HBEGF: variants seen among roughly 807,000 people sequenced by gnomAD.
HBEGF encodes the protein heparin binding EGF like growth factor, also known as proheparin-binding EGF-like growth factor.
HBEGF carries 8 observed loss-of-function variants against 19.5 expected under a neutral mutation model. The observed-to-expected ratio is 0.41, with a 90% CI of 0.24 to 0.74. HBEGF has a LOEUF of 0.74. Among genes scored for constraint, HBEGF ranks in the 30% least tolerant of loss-of-function variants. HBEGF has a pLI of 0.32. For missense variants in HBEGF, 207 were observed against 256.9 expected (o/e 0.81, Z 1.33); for synonymous variants, 97 against 108.9 (o/e 0.89, Z 0.68).
rs976455632 is a variant in HBEGF at position 140,334,094 on chromosome 5, A to C, written c.*205T>G. ...CCTTGCTTTTGCTTTCTTCTTACCC[A>C]GATACCATCGGACATACTCTGTTTG... is the stretch of plus-strand genomic sequence containing the variant. On this transcript the variant is annotated 3_prime_UTR_variant, in exon 6 of 6. Transcript: ENST00000230990. 1 of 152,982 alleles carries C rather than the reference A, an allele frequency of 6.5e-6. No homozygotes were observed. Among genetic ancestry groups the C allele is most frequent in the Non-Finnish European group, 1.5e-5 (1 of 68,326 alleles). 9.5% of individuals were successfully genotyped at this position (152,982 alleles called of 1,614,324 possible).
At chr5:140,343,479 A>T (rs539202248) in intron 2 of HBEGF, among the ~76,000 whole-genome samples, 3 of 152,162 alleles carry the variant, frequency 2.0e-5, no homozygotes, top group Admixed American at 2.0e-4. Flanking sequence ...TTTACAGCTC[A>T]CCCACTTTCT....
chr5:140,345,386 C>T (rs1398616549), intron 2 of HBEGF, among the ~76,000 whole-genome samples: 2 of 152,194 alleles, frequency 1.3e-5, no homozygotes, highest in Non-Finnish European at 2.9e-5. Context: ...CAGTGCTCAC[C>T]ATTCACAGCC....
Position 140,340,689 on chromosome 5 carries a change from G to A in HBEGF, c.398+1946C>T, listed in dbSNP as rs185133856. On this transcript the variant is annotated intron_variant, in intron 3 of 5. Transcript: ENST00000230990. ...AGTTTTCAAATCAGATTGCTGTGCT[G>A]TTAGACTAGTAAAAGAATAAGAGAC... 1.9e-3 allele frequency among the ~76,000 whole-genome samples: 291 copies of A among 152,026 alleles called. 2 individuals carry two copies. The highest frequency in any genetic ancestry group is 6.4e-3 in the African/African-American group (264 of 41,486).
chr5:140,343,121 A>C, intron 2 of HBEGF: 1 of 315,718 alleles, frequency 3.2e-6, no homozygotes. Flanking sequence ...TACCAACCTC[A>C]CCTCCACCCC....
At chr5:140,341,790 G>A (rs1200261070) in intron 3 of HBEGF, among the ~76,000 whole-genome samples, 7 of 152,214 alleles carry the variant, frequency 4.6e-5, no homozygotes, top group Non-Finnish European at 1.0e-4. Context: ...CTGACGCAGG[G>A]TGTTGGCCTC....
intron 2 of HBEGF, among the ~76,000 whole-genome samples, chr5:140,343,983 C>T (rs1766355003): frequency 6.6e-6 from 1 of 152,050 alleles, no homozygotes; most frequent in Non-Finnish European, 1.5e-5. Context: ...ACAAAAAATA[C>T]AAAAATTAGC....
intron 2 of HBEGF, among the ~76,000 whole-genome samples, chr5:140,343,722 C>T (rs566526879): frequency 6.6e-6 from 1 of 152,290 alleles, no homozygotes; most frequent in Non-Finnish European, 1.5e-5. Flanking sequence ...CCAATCCCAC[C>T]CTTTTATCCC....
Position 140,334,843 on chromosome 5 carries a change from C to A in HBEGF, c.555-95G>T, listed in dbSNP as rs1462090179. The stretch of plus-strand genomic sequence containing the variant: ...CCAAAGAACTCTGCCATGGTGGTTT[C>A]CTCTACTACTTGGAAAAGCCCAGGC... On this transcript the variant is annotated intron_variant, in intron 4 of 5. Coordinates refer to ENST00000230990, the MANE Select transcript of HBEGF (RefSeq NM_001945.3). 5 of 1,012,682 alleles carry A rather than the reference C, an allele frequency of 4.9e-6. No individual in the cohort carries two copies. The African/African-American group carries it at 7.9e-5, about 16-fold the overall frequency. The allele number at this position is 1,012,682 out of a possible 1,614,324, so 62.7% of individuals were successfully genotyped here. A position where few individuals can be genotyped will look rare whatever the true frequency, so the allele number is the denominator to read the frequency against.
At position 140,346,078 on chromosome 5, in the gene HBEGF, G is replaced by A. The variant is rs142631482; in HGVS notation, c.53C>T (p.Ser18Leu). The change falls in exon 2 of 6, where the codon TCG (serine) becomes TTG (leucine). Residue 18 changes from serine to leucine, a missense_variant. Ser to Leu is a moderately radical substitution (Grantham distance 145). Coordinates refer to ENST00000230990, the MANE Select transcript of HBEGF (RefSeq NM_001945.3). This position sits in a 1 kb window ranked among gnomAD's most constrained non-coding sequence, Gnocchi z 6.1. ...CAGGCTCTCGCCAGTCACCAGTGCC[G>A]AGAGAACTGCGGGCGAGAGGCCAGG... ...VLKLFLAAVL[S>L]ALVTGESLER... 23 of 1,611,818 alleles carry A rather than the reference G, an allele frequency of 1.4e-5. No individual in the cohort carries two copies. The highest frequency in any genetic ancestry group is 1.8e-5 in the Non-Finnish European group (21 of 1,178,928).
intron 4 of HBEGF, chr5:140,335,099 T>C (rs906402913): frequency 3.7e-6 from 1 of 268,374 alleles, no homozygotes; most frequent in East Asian, 9.3e-5. Flanking sequence ...AAAACAGGCA[T>C]AGAGCTAGGC....
chr5:140,340,410 T>C (rs1434035005), intron 3 of HBEGF, among the ~76,000 whole-genome samples: 2 of 151,304 alleles, frequency 1.3e-5, no homozygotes, highest in Non-Finnish European at 2.9e-5. Flanking sequence ...CAAAACTACG[T>C]CTCTACTAAA....
chr5:140,344,610 A>T (rs1766366073), intron 2 of HBEGF, among the ~76,000 whole-genome samples: 1 of 151,980 alleles, frequency 6.6e-6, no homozygotes, highest in African/African-American at 2.4e-5. Flanking sequence ...AAGGGAAGAG[A>T]AGTAGGTGCC....
chr5:140,343,585 G>A (rs1204090975), intron 2 of HBEGF, among the ~76,000 whole-genome samples: 1 of 152,156 alleles, frequency 6.6e-6, no homozygotes, highest in African/African-American at 2.4e-5. Flanking sequence ...TGGAAAGTAA[G>A]GAACTGTCCA....
In HBEGF at chr5:140,334,696, C is replaced by A; in HGVS notation, c.607G>T (p.Gly203Cys). 3 of 1,613,662 alleles carry A rather than the reference C, an allele frequency of 1.9e-6. No individual in the cohort carries two copies. The highest frequency in any genetic ancestry group is 2.5e-6 in the Non-Finnish European group (3 of 1,179,590). ...CTCTCTCAGTGGGAATTAGTCATGC[C>A]CAACTTCACTTTCTCTTCATTTTCC... The part of the protein sequence containing the change: ...DVENEEKVKL[G>C]MTNSH Residue 203 changes from glycine (G) to cysteine (C), a missense_variant, in exon 5 of 6, where the codon GGC becomes TGC. By Grantham distance (159) the Gly-to-Cys change is radical. This residue lies in a region of HBEGF where 77 missense variants were observed against 106.9 expected (regional missense o/e 0.72). Coordinates refer to ENST00000230990, the MANE Select transcript of HBEGF (RefSeq NM_001945.3).
Position 140,333,885 on chromosome 5 carries a change from G to A in HBEGF, c.*414C>T, listed in dbSNP as rs2126715345. 6.6e-6 allele frequency: 1 copy of A among 152,268 alleles called. No individual in the cohort carries two copies. Among genetic ancestry groups the A allele is most frequent in the Non-Finnish European group, 1.5e-5 (1 of 67,972 alleles). 9.4% of individuals were successfully genotyped at this position (152,268 alleles called of 1,614,324 possible). A position where few individuals can be genotyped will look rare whatever the true frequency, so the allele number is the denominator to read the frequency against. On this transcript the variant is annotated 3_prime_UTR_variant, in exon 6 of 6. Transcript: ENST00000230990. The stretch of plus-strand genomic sequence containing the variant: ...AGTACATGGCTTCTCAATCTTTGTT[G>A]CTTTCTTCCAGTTCACAAATCTTTC...
At chr5:140,344,761 G>A (rs558325359) in intron 2 of HBEGF, among the ~76,000 whole-genome samples, 1 of 151,634 alleles carries the variant, frequency 6.6e-6, no homozygotes, top group South Asian at 2.1e-4. Context: ...AATCAGAAAG[G>A]GGAGGGAGAA....
At position 140,346,502 on chromosome 5, in the gene HBEGF, T is replaced by G; in HGVS notation, c.-174A>C. Reference sequence around the variant, plus strand: ...CCAGGCGCAGCTCGCTCTTCTTGAGTGTCTTGTCTTGCTCACTCAGCCCGC... The same window carrying G: ...CCAGGCGCAGCTCGCTCTTCTTGAGGGTCTTGTCTTGCTCACTCAGCCCGC... On this transcript the variant is annotated 5_prime_UTR_variant, in exon 1 of 6. Coordinates refer to ENST00000230990, the MANE Select transcript of HBEGF (RefSeq NM_001945.3). This position sits in a 1 kb window ranked among gnomAD's most constrained non-coding sequence, Gnocchi z 6.1. The G allele has an allele frequency of 4.2e-6, 3 of 713,198 alleles. No homozygotes were observed. The highest frequency in any genetic ancestry group is 2.7e-5 in the Admixed American group (1 of 36,702). 44.2% of individuals were successfully genotyped at this position (713,198 alleles called of 1,614,324 possible).
Position 140,335,937 on chromosome 5 carries a change from C to T in HBEGF, c.489G>A (p.Leu163=), listed in dbSNP as rs747879666. The change falls in exon 4 of 6, where the codon CTG becomes CTA. Residue 163 remains leucine, a synonymous_variant. Coordinates refer to ENST00000230990, the MANE Select transcript of HBEGF (RefSeq NM_001945.3). ...ATGACAGCACCACAGCCACCACGGC[C>T]AGGATGGTTGTGTGGTCATAGGTAT... ...RLYTYDHTTI[L]AVVAVVLSSV... 8.1e-6 allele frequency: 13 copies of T among 1,614,174 alleles called. No homozygotes were observed. Among genetic ancestry groups the T allele is most frequent in the Non-Finnish European group, 1.1e-5 (13 of 1,180,040 alleles).
At chr5:140,345,041 G>A (rs573820361) in intron 2 of HBEGF, among the ~76,000 whole-genome samples, 15 of 152,320 alleles carry the variant, frequency 9.8e-5, no homozygotes, top group African/African-American at 3.6e-4. Context: ...GAGTATCCAA[G>A]GAAAGCTCCT....
Sources: allele counts gnomAD v4.1 joint callset (sites outside exome capture counted in the v4.1 genomes callset), GRCh38; gene constraint gnomAD v4.1.1; regional missense constraint gnomAD v4.1.1; non-coding constraint Gnocchi (gnomAD v3.1); transcripts MANE v1.5; gene names NCBI Gene and HGNC (gene_info 2026-07-23, HGNC 2026-07-21).